The following SMYD3 variants were observed in gnomAD, a reference collection of about 807,000 sequenced individuals.
SMYD3 encodes the protein histone-lysine N-methyltransferase SMYD3.
SMYD3 carries 36 observed loss-of-function variants against 57.7 expected under a neutral mutation model. That is an observed-to-expected ratio of 0.62 (90% confidence interval 0.48 to 0.82). The LOEUF is 0.82. Among genes scored for constraint, SMYD3 ranks in the 40% least tolerant of loss-of-function variants. The pLI, the probability that SMYD3 is intolerant of heterozygous loss-of-function variation, is 0.00. For synonymous variants in SMYD3, 211 were observed against 195.0 expected, an observed-to-expected ratio of 1.08 and a Z score of -0.68; for missense variants, 515 against 538.8, an observed-to-expected ratio of 0.96 and a Z score of 0.44.
intron 10 of SMYD3, among the ~76,000 whole-genome samples, chr1:245,849,509 A>C (rs1246605801): frequency 3.9e-5 from 6 of 152,228 alleles, no homozygotes; most frequent in Middle Eastern, 3.4e-3. Context: ...CACTTAGGAG[A>C]GTTCTCTAGA....
chr1:245,960,144 G>A (rs958563127), intron 5 of SMYD3, among the ~76,000 whole-genome samples: 1 of 152,088 alleles, frequency 6.6e-6, no homozygotes, highest in East Asian at 1.9e-4. Flanking sequence ...GAGTCCAAAG[G>A]GAAATTGGCA....
intron 10 of SMYD3, among the ~76,000 whole-genome samples, chr1:245,782,203 G>C (rs759330723): frequency 1.3e-5 from 2 of 152,076 alleles, no homozygotes; most frequent in Admixed American, 6.6e-5. Flanking sequence ...CCTACTTAGA[G>C]GTCAAATTAC....
intron 10 of SMYD3, among the ~76,000 whole-genome samples, chr1:245,802,266 C>A (rs2047905849): frequency 2.0e-5 from 3 of 152,160 alleles, no homozygotes; most frequent in African/African-American, 7.2e-5. Flanking sequence ...TCTAGAAGTT[C>A]TCAGTGGCCA....
intron 5 of SMYD3, among the ~76,000 whole-genome samples, chr1:245,942,300 G>C (rs1558518115): frequency 6.6e-6 from 1 of 152,026 alleles, no homozygotes; most frequent in Non-Finnish European, 1.5e-5. Context: ...CAAGCAAATG[G>C]AAAGCAGAAA....
intron 5 of SMYD3, chr1:246,108,741 G>A (rs1419360574): frequency 6.6e-6 from 1 of 152,208 alleles, no homozygotes; most frequent in Non-Finnish European, 1.5e-5. Context: ...GTATAGCCCA[G>A]CTCAGTCCAG....
rs374847327 is a variant in SMYD3, at chr1:246,078,876, G to A, written c.532-148939C>T. Among the ~76,000 whole-genome samples the A allele has an allele frequency of 5.7e-4, 87 of 152,318 alleles. No homozygotes were observed. In the South Asian group the frequency reaches 0.015, roughly 26 times the overall value. On this transcript the variant is annotated intron_variant, in intron 5 of 11. Coordinates refer to ENST00000490107, the MANE Select transcript of SMYD3 (RefSeq NM_001167740.2). ...CAGTCATTAAACAATTATTTACTGA[G>A]CACCAAGTATCTACCATGGTTCCAG...
chr1:246,142,062 T>C (rs1181907725), intron 5 of SMYD3, among the ~76,000 whole-genome samples: 1 of 152,226 alleles, frequency 6.6e-6, no homozygotes, highest in African/African-American at 2.4e-5. Flanking sequence ...ACATTCTTTT[T>C]TCTTTCTTTA....
In SMYD3 at chr1:246,107,153, G is replaced by A. The variant is rs1333961211; in HGVS notation, c.532-177216C>T. ...ATACAAAAAATTAGCCAGGCGTGGT[G>A]GCAGGCGCCTGTAGTCCCAGCTACT... On this transcript the variant is annotated intron_variant, in intron 5 of 11. Transcript: ENST00000490107. Among the ~76,000 whole-genome samples the A allele has an allele frequency of 6.7e-5, 10 of 148,418 alleles. 1 individual carries two copies. Among genetic ancestry groups the A allele is most frequent in the Non-Finnish European group, 1.5e-4 (10 of 67,512 alleles).
chr1:245,802,295 A>G (rs1233988303), intron 10 of SMYD3, among the ~76,000 whole-genome samples: 1 of 152,164 alleles, frequency 6.6e-6, no homozygotes, highest in South Asian at 2.1e-4. Flanking sequence ...GCAGGAGACA[A>G]CTGCTGTGAA....
At chr1:246,506,507 C>T (rs763230717) in intron 1 of SMYD3, among the ~76,000 whole-genome samples, 95 of 152,146 alleles carry the variant, frequency 6.2e-4, no homozygotes, top group Non-Finnish European at 9.8e-4. Flanking sequence ...GAGGAGGTCC[C>T]GTTCCTCTTC....
At chr1:245,785,598 T>C (rs2047002226) in intron 10 of SMYD3, among the ~76,000 whole-genome samples, 1 of 152,022 alleles carries the variant, frequency 6.6e-6, no homozygotes, top group African/African-American at 2.4e-5. Flanking sequence ...CCCCTTGGTG[T>C]TTTCTTTCAA....
chr1:246,026,987 G>A (rs1344321074), intron 5 of SMYD3, among the ~76,000 whole-genome samples: 1 of 152,198 alleles, frequency 6.6e-6, no homozygotes, highest in Non-Finnish European at 1.5e-5. Flanking sequence ...CTACTCCAGT[G>A]AACACACAAA....
chr1:246,402,770 T>G (rs1055926172), intron 1 of SMYD3, among the ~76,000 whole-genome samples: 5 of 152,158 alleles, frequency 3.3e-5, no homozygotes, highest in Non-Finnish European at 7.4e-5. Flanking sequence ...GCAAGTACAA[T>G]AGCCACCTGC....
intron 5 of SMYD3, among the ~76,000 whole-genome samples, chr1:245,987,733 A>T (rs929114915): frequency 6.6e-6 from 1 of 152,198 alleles, no homozygotes; most frequent in Admixed American, 6.5e-5. Flanking sequence ...TTCTGATTCC[A>T]AAGTCCCGGC....
chr1:245,934,946 T>G (rs2056918266), intron 5 of SMYD3, among the ~76,000 whole-genome samples: 1 of 152,228 alleles, frequency 6.6e-6, no homozygotes, highest in Non-Finnish European at 1.5e-5. Context: ...AGTTTGACAT[T>G]ATAGTTTTCC....
chr1:246,050,691 T>C (rs1420755975), intron 5 of SMYD3, among the ~76,000 whole-genome samples: 2 of 152,158 alleles, frequency 1.3e-5, no homozygotes, highest in Non-Finnish European at 2.9e-5. Flanking sequence ...CGGAAGATTT[T>C]TGTTGTGTTG....
chr1:245,800,844 G>A (rs963100043), intron 10 of SMYD3, among the ~76,000 whole-genome samples: 7 of 152,230 alleles, frequency 4.6e-5, no homozygotes, highest in African/African-American at 1.7e-4. Context: ...CTTGGCCAGT[G>A]TGGCTAAAGA....
At chr1:246,078,250 T>C (rs2060579714) in intron 5 of SMYD3, among the ~76,000 whole-genome samples, 1 of 152,064 alleles carries the variant, frequency 6.6e-6, no homozygotes, top group Non-Finnish European at 1.5e-5. Context: ...GGTCATTGAT[T>C]TGGACTAAGC....
chr1:246,497,224 G>A (rs964301668), intron 1 of SMYD3, among the ~76,000 whole-genome samples: 16 of 152,150 alleles, frequency 1.1e-4, no homozygotes, highest in Admixed American at 2.0e-4. Context: ...CATAGGTTTC[G>A]ACTCTTATTG....
Sources: allele counts gnomAD v4.1 joint callset (sites outside exome capture counted in the v4.1 genomes callset), GRCh38; gene constraint gnomAD v4.1.1; transcripts MANE v1.5; gene names NCBI Gene and HGNC (gene_info 2026-07-23, HGNC 2026-07-21).